Variants in ZCCHC14 observed in about 807,000 individuals in gnomAD.
ZCCHC14 encodes zinc finger CCHC-type containing 14.
ZCCHC14 carries 16 observed loss-of-function variants against 85.0 expected under a neutral mutation model. The observed-to-expected ratio is 0.19, with a 90% CI of 0.13 to 0.29. ZCCHC14 has a LOEUF of 0.29. Among genes scored for constraint, ZCCHC14 ranks in the 10% least tolerant of loss-of-function variants. ZCCHC14 has a pLI of 1.00. For synonymous variants in ZCCHC14, 775 were observed against 630.7 expected, an observed-to-expected ratio of 1.23 and a Z score of -3.43; for missense variants, 1,303 against 1,443.5, an observed-to-expected ratio of 0.90 and a Z score of 1.58.
chr16:87,450,568 C>CTTT (rs896071309), intron 2 of ZCCHC14, among the ~76,000 whole-genome samples: 1 of 125,596 alleles, frequency 8.0e-6, no homozygotes, highest in African/African-American at 2.9e-5. Context: ...ATAATAGATT[C>CTTT]TTTTTTTTTT....
At chr16:87,426,037 C>T (rs1909352398) in intron 3 of ZCCHC14, among the ~76,000 whole-genome samples, 1 of 152,262 alleles carries the variant, frequency 6.6e-6, no homozygotes, top group African/African-American at 2.4e-5. Flanking sequence ...CTTGCAGGTG[C>T]AGCTCACATT....
At chr16:87,440,189 G>T (rs1300910371) in intron 2 of ZCCHC14, among the ~76,000 whole-genome samples, 2 of 151,460 alleles carry the variant, frequency 1.3e-5, no homozygotes, top group Non-Finnish European at 2.9e-5. Context: ...TTTAAGATAA[G>T]AGTTTTGCTC....
chr16:87,445,258 G>A (rs2150747296), intron 2 of ZCCHC14, among the ~76,000 whole-genome samples: 1 of 152,036 alleles, frequency 6.6e-6, no homozygotes, highest in East Asian at 1.9e-4. Flanking sequence ...GTAGAAACGG[G>A]GTTTCACCAT....
rs1912850505 is a variant in ZCCHC14, at chr16:87,492,931, GGCGA to G, written c.-697_-694del. ...GCGCGGCGGCGGCGGCGACGGCGAC[GGCGA>G]CGGCGACGGCGACGGCGGAGGAGGC... On this transcript the variant is annotated 5_prime_UTR_variant, in exon 1 of 13. Coordinates refer to ENST00000671377, the MANE Select transcript of ZCCHC14 (RefSeq NM_015144.3). This position sits in a 1 kb window ranked among gnomAD's most constrained non-coding sequence, Gnocchi z 6.7. Among the ~76,000 whole-genome samples, 1 of 148,846 alleles carries G rather than the reference GGCGA, an allele frequency of 6.7e-6. No homozygotes were observed. Among genetic ancestry groups the G allele is most frequent in the Non-Finnish European group, 1.5e-5 (1 of 67,340 alleles).
rs944819925 is a variant in ZCCHC14, at chr16:87,467,655, GTTTC to G, written c.571-7528_571-7525del. The G allele has an allele frequency of 1.5e-5, 14 of 937,996 alleles. No individual in the cohort carries two copies. In the East Asian group the frequency reaches 2.9e-4, roughly 19 times the overall value. 58.1% of individuals were successfully genotyped at this position (937,996 alleles called of 1,614,324 possible). A position where few individuals can be genotyped will look rare whatever the true frequency, so the allele number is the denominator to read the frequency against. ...GACTCTGAATTTCCCTGGTCGAACG[GTTTC>G]TTTTTCTTTTGAGATGGAGTCTCGC... On this transcript the variant is annotated intron_variant, in intron 1 of 12. Transcript: ENST00000671377.
intron 11 of ZCCHC14, 38 bp from the exon 12 acceptor site, chr16:87,413,014 A>T (rs761674207): frequency 6.2e-7 from 1 of 1,614,088 alleles, no homozygotes. Context: ...GCCATTCCAC[A>T]GCTGGGCCAG....
intron 1 of ZCCHC14, among the ~76,000 whole-genome samples, chr16:87,487,449 C>A (rs1287315219): frequency 6.6e-6 from 1 of 152,230 alleles, no homozygotes; most frequent in Non-Finnish European, 1.5e-5. Context: ...CTGTCGCTGA[C>A]CAAATGCACC....
chr16:87,474,409 TG>T (rs1332719093), intron 1 of ZCCHC14: 1 of 152,012 alleles, frequency 6.6e-6, no homozygotes, highest in Non-Finnish European at 1.5e-5. Context: ...TCAGGGAGAG[TG>T]AATTCTTCCT....
intron 12 of ZCCHC14, 125 bp downstream of exon 12, chr16:87,411,391 T>C: frequency 6.6e-7 from 1 of 1,518,104 alleles, no homozygotes; most frequent in Admixed American, 2.1e-5. Flanking sequence ...TTCCACGCGC[T>C]TTCAAAGAGC....
intron 1 of ZCCHC14, among the ~76,000 whole-genome samples, chr16:87,462,810 C>T (rs920583273): frequency 6.6e-6 from 1 of 151,704 alleles, no homozygotes; most frequent in African/African-American, 2.4e-5. Flanking sequence ...TGGCTCACGC[C>T]AGTAATCCCA....
intron 3 of ZCCHC14, among the ~76,000 whole-genome samples, chr16:87,429,465 C>T (rs941863807): frequency 8.5e-5 from 13 of 152,262 alleles, no homozygotes; most frequent in Admixed American, 6.5e-4. Flanking sequence ...GCATGTGCCA[C>T]TACACCTGGC....
intron 1 of ZCCHC14, among the ~76,000 whole-genome samples, chr16:87,485,604 AAAAGAAG>A (rs1395034926): frequency 1.1e-3 from 161 of 151,918 alleles, no homozygotes; most frequent in African/African-American, 3.6e-3. Context: ...AAAAAAAAAA[AAAAGAAG>A]AAGAATCTTT....
chr16:87,425,595 G>GAAAGA lies in ZCCHC14; in HGVS notation c.769-1719_769-1715dup, dbSNP rs59861470. ...CTATCAAAAAAAAAAAAGAAAGAAA[G>GAAAGA]AAAGAAAAGAAAAGAAAAGAAAATG... On this transcript the variant is annotated intron_variant, in intron 3 of 12. Coordinates refer to ENST00000671377, the MANE Select transcript of ZCCHC14 (RefSeq NM_015144.3). 3.4e-3 allele frequency among the ~76,000 whole-genome samples: 521 copies of GAAAGA among 151,520 alleles called. 12 individuals carry two copies. The South Asian group carries it at 0.062, about 18-fold the overall frequency.
At chr16:87,467,168 G>C (rs962393651) in intron 1 of ZCCHC14, 1 of 1,321,258 alleles carries the variant, frequency 7.6e-7, no homozygotes, top group African/African-American at 1.5e-5. Flanking sequence ...AAAACTGTCT[G>C]CTTTCTCCTC....
At chr16:87,426,748 G>T (rs975606769) in intron 3 of ZCCHC14, among the ~76,000 whole-genome samples, 4 of 152,260 alleles carry the variant, frequency 2.6e-5, no homozygotes, top group African/African-American at 7.2e-5. Flanking sequence ...GCCCAGCACA[G>T]AGACAGGCAA....
At chr16:87,467,542 T>A (rs1177508373) in intron 1 of ZCCHC14, 1 of 1,593,172 alleles carries the variant, frequency 6.3e-7, no homozygotes, top group Non-Finnish European at 8.6e-7. Context: ...CAGAAGCCTA[T>A]TTTTAATGTC....
chr16:87,419,988 G>A (rs113799975), intron 5 of ZCCHC14, 111 bp from the exon 6 acceptor site: 1 of 746,440 alleles, frequency 1.3e-6, no homozygotes, highest in African/African-American at 1.8e-5. Context: ...GAGGAAAAAA[G>A]CCAGAAGTGC....
Position 87,411,989 on chromosome 16 carries a change from G to T in ZCCHC14, c.2732C>A (p.Ala911Glu). ...HHHHHHQQPPAPPQPAPPPPG... is the reference protein window; with the variant it reads ...HHHHHHQQPPEPPQPAPPPPG... ...CGGGGGTGGGGCGGGCTGCGGGGGT[G>T]CCGGGGGCTGCTGATGGTGGTGGTG... Residue 911 changes from alanine (A) to glutamate (E), a missense_variant, in exon 12 of 13, where the codon GCA becomes GAA. Transcript: ENST00000671377. 1 of 1,608,720 alleles carries T rather than the reference G, an allele frequency of 6.2e-7. No individual in the cohort carries two copies. The highest frequency in any genetic ancestry group is 1.1e-5 in the South Asian group (1 of 90,924).
At position 87,420,107 on chromosome 16, in the gene ZCCHC14, G is replaced by C. The variant is rs1020866299; in HGVS notation, c.951-230C>G. ...TGTATTCATGGCCACCAAGGTTGAC[G>C]ACAGCAGTCATGCCCTGTGACATGA... On this transcript the variant is annotated intron_variant, in intron 5 of 12. Coordinates refer to ENST00000671377, the MANE Select transcript of ZCCHC14 (RefSeq NM_015144.3). The surrounding 1 kb of genome is among the most constrained non-coding windows in gnomAD (Gnocchi z 5.0). 6.6e-6 allele frequency among the ~76,000 whole-genome samples: 1 copy of C among 152,154 alleles called. No homozygotes were observed. The highest frequency in any genetic ancestry group is 2.1e-4 in the South Asian group (1 of 4,832).
Sources: gnomAD v4.1 joint callset for allele counts (sites outside exome capture counted in the v4.1 genomes callset) on GRCh38, gnomAD v4.1.1 for gene constraint, Gnocchi (gnomAD v3.1) non-coding constraint, MANE v1.5 for transcripts, NCBI Gene and HGNC (gene_info 2026-07-23, HGNC 2026-07-21) for gene names.